Variants in COCH observed in about 807,000 individuals in gnomAD.
The protein encoded by COCH is cochlin, also known as coagulation factor C homolog, cochlin (Limulus polyphemus).
Under a neutral mutation model 54.8 loss-of-function variants are expected in COCH, and 40 were observed. The observed-to-expected ratio is 0.73, with a 90% confidence interval of 0.57 to 0.95. The LOEUF is 0.95. Among genes scored for constraint, COCH ranks in the 40% least tolerant of loss-of-function variants. The pLI is 0.00. For synonymous variants in COCH, 256 were observed against 237.9 expected (o/e 1.08, Z -0.70); for missense variants, 605 against 675.0 (o/e 0.90, Z 1.15).
chr14:30,881,211 TCA>T (rs765415884), intron 8 of COCH, among the ~76,000 whole-genome samples: 2 of 81,630 alleles, frequency 2.5e-5, no homozygotes, highest in Non-Finnish European at 2.3e-5. Context: ...AGACTATGTC[TCA>T]AAAAAAAAAA....
At chr14:30,894,953 A>T, downstream of COCH, 1 of 1,094,326 alleles carries the variant, frequency 9.1e-7, no homozygotes, top group Non-Finnish European at 1.2e-6. Context: ...TTCAACCGAT[A>T]AACAGAAGAT....
chr14:30,890,561 AGAAAAAATATTGTAGTTT>A lies in COCH; in HGVS notation c.*774_*791del. On this transcript the variant is annotated 3_prime_UTR_variant, in exon 12 of 12. Coordinates refer to ENST00000396618, the MANE Select transcript of COCH (RefSeq NM_004086.3). ...AGACAAAGACATTTCAAATAACTGCAGAAAAAATATTGTAGTTTGAATATTTAAGCAATAAAACTGCTA... is the reference window on the plus strand; with the variant it reads ...AGACAAAGACATTTCAAATAACTGCAGAATATTTAAGCAATAAAACTGCTA... 5 of 965,090 alleles carry A rather than the reference AGAAAAAATATTGTAGTTT, an allele frequency of 5.2e-6. No homozygotes were observed. The highest frequency in any genetic ancestry group is 6.2e-6 in the Non-Finnish European group (5 of 811,122). The allele number at this position is 965,090 out of a possible 1,614,324, so 59.8% of individuals were successfully genotyped here.
chr14:30,874,601 C>T lies in COCH; in HGVS notation c.-24+10C>T. On this transcript the variant is annotated intron_variant, in intron 1 of 11. Transcript: ENST00000396618. ...GGTGGATCTCGAGCAGGTGCGGAGC[C>T]CCGGGCGGCGGGCGCGGGTGCGAGG... The T allele has an allele frequency of 2.0e-6, 1 of 490,190 alleles. No individual in the cohort carries two copies. Among genetic ancestry groups the T allele is most frequent in the Non-Finnish European group, 3.7e-6 (1 of 270,624 alleles). 30.4% of individuals were successfully genotyped at this position (490,190 alleles called of 1,614,324 possible). A position where few individuals can be genotyped will look rare whatever the true frequency, so the allele number is the denominator to read the frequency against.
rs116954633 is a variant in COCH, at chr14:30,883,657, T to C, written c.630-896T>C. ...TCTTGAATAAAATGGCTACTGATAA[T>C]GCTAAGATCTTAAATTTTGCACTAG... On this transcript the variant is annotated intron_variant, in intron 8 of 11. Transcript: ENST00000396618. Among the ~76,000 whole-genome samples, 451 of 152,310 alleles carry C rather than the reference T, an allele frequency of 3.0e-3. 5 individuals are homozygous for C. The highest frequency in any genetic ancestry group is 0.01 in the Middle Eastern group (3 of 294).
Position 30,877,769 on chromosome 14 carries a change from TG to T in COCH, c.239+42del, listed in dbSNP as rs1194333032. The T allele has an allele frequency of 6.2e-7, 1 of 1,613,218 alleles. No homozygotes were observed. The highest frequency in any genetic ancestry group is 1.7e-5 in the Admixed American group (1 of 60,002). On this transcript the variant is annotated intron_variant, in intron 4 of 11. Transcript: ENST00000396618. The surrounding 1 kb of genome is among the most constrained non-coding windows in gnomAD (Gnocchi z 8.6). ...CCAGGGTGGGAGAGAAATGCAGACG[TG>T]ATTATTTCCTTTCCTGCTTTACCCA...
At chr14:30,879,800 C>T (rs1240551093) in intron 6 of COCH, among the ~76,000 whole-genome samples, 1 of 152,130 alleles carries the variant, frequency 6.6e-6, no homozygotes, top group Non-Finnish European at 1.5e-5. Context: ...CATGCCACCA[C>T]ACCCAGCCAA....
chr14:30,884,223 C>T (rs2138868950), intron 8 of COCH, among the ~76,000 whole-genome samples: 1 of 152,336 alleles, frequency 6.6e-6, no homozygotes, highest in Middle Eastern at 3.4e-3. Context: ...GGCAAACTCC[C>T]TAAATGCTCT....
intron 3 of COCH, chr14:30,875,304 G>A: frequency 1.3e-6 from 1 of 742,934 alleles, no homozygotes. Context: ...CCATGGTAGG[G>A]GGCCCCTGGG....
In COCH at chr14:30,885,930, A is replaced by G. The variant is rs1317797287; in HGVS notation, c.1095A>G (p.Ser365=). ...QMMCSKTCYN[S]VNIAFLIDGS... ...TGTGCAGCAAGACCTGTTATAACTC[A>G]GTGAACATTGCCTTTCTAATTGATG... Residue 365 remains serine (S), a synonymous_variant, in exon 11 of 12, where the codon TCA becomes TCG. Coordinates refer to ENST00000396618, the MANE Select transcript of COCH (RefSeq NM_004086.3). The G allele has an allele frequency of 6.2e-7, 1 of 1,614,256 alleles. No individual in the cohort carries two copies. The highest frequency in any genetic ancestry group is 1.1e-5 in the South Asian group (1 of 91,086).
intron 4 of COCH, among the ~76,000 whole-genome samples, chr14:30,878,543 G>A (rs960214976): frequency 6.6e-6 from 1 of 152,142 alleles, no homozygotes; most frequent in Non-Finnish European, 1.5e-5. Flanking sequence ...TGTAATCCCA[G>A]CTACTTGGGA....
chr14:30,891,724 C>G (rs1895986713), downstream of COCH, among the ~76,000 whole-genome samples: 2 of 152,080 alleles, frequency 1.3e-5, no homozygotes, highest in Admixed American at 6.5e-5. Context: ...CACTCATTAG[C>G]CCTTTTAAGA....
Position 30,876,776 on chromosome 14 carries a change from G to A in COCH, c.83-796G>A, listed in dbSNP as rs540002598. ...TACCTCAAGCAACTGTGTACATAGCGTCATCAAAGTTGAGATTTAAAAATT... is the reference window on the plus strand; with the variant it reads ...TACCTCAAGCAACTGTGTACATAGCATCATCAAAGTTGAGATTTAAAAATT... On this transcript the variant is annotated intron_variant, in intron 3 of 11. Transcript: ENST00000396618. Among the ~76,000 whole-genome samples, 21 of 152,204 alleles carry A rather than the reference G, an allele frequency of 1.4e-4. No homozygotes were observed. In the East Asian group the frequency reaches 1.5e-3, roughly 11 times the overall value.
intron 8 of COCH, 196 bp from the exon 9 acceptor site, chr14:30,884,357 G>A (rs1594382071): frequency 3.5e-6 from 2 of 573,428 alleles, no homozygotes; most frequent in East Asian, 6.0e-5. Flanking sequence ...TCCTCAATAT[G>A]GCAATTATTT....
At position 30,885,402 on chromosome 14, in the gene COCH, T is replaced by C; in HGVS notation, c.742T>C (p.Leu248=). The C allele has an allele frequency of 6.2e-7, 1 of 1,613,386 alleles. No homozygotes were observed. Among genetic ancestry groups the C allele is most frequent in the Non-Finnish European group, 8.5e-7 (1 of 1,179,272 alleles). The part of the protein sequence containing the change: ...RGGNSNTGKA[L]KHTAQKFFTV... ...TTCTTTTTCAAATTTAGGAAAAGCC[T>C]TGAAGCATACTGCTCAGAAATTCTT... The change falls in exon 10 of 12, where the codon TTG becomes CTG. Residue 248 remains leucine (L), a synonymous_variant. Coordinates refer to ENST00000396618, the MANE Select transcript of COCH (RefSeq NM_004086.3).
chr14:30,875,186 T>C (rs1034885289), intron 3 of COCH, 83 bp downstream of exon 3: 1 of 1,526,378 alleles, frequency 6.6e-7, no homozygotes. Flanking sequence ...ATCCAGCCCC[T>C]TGGGCTTCAG....
intron 8 of COCH, among the ~76,000 whole-genome samples, chr14:30,883,293 C>CT (rs1895677139): frequency 6.6e-6 from 1 of 152,138 alleles, no homozygotes; most frequent in Non-Finnish European, 1.5e-5. Context: ...CCCTGCAGTA[C>CT]TTTTTGTCTT....
At position 30,885,168 on chromosome 14, in the gene COCH, A is replaced by G. The variant is rs12881068; in HGVS notation, c.734-226A>G. The G allele has an allele frequency of 4.9e-6, 6 of 1,227,892 alleles. No homozygotes were observed. The East Asian group carries it at 1.2e-4, about 24-fold the overall frequency. The allele number at this position is 1,227,892 out of a possible 1,614,324, so 76.1% of individuals were successfully genotyped here. On this transcript the variant is annotated intron_variant, in intron 9 of 11. Transcript: ENST00000396618. ...GAGGCTTCTAGGAGGTGGAGGGGGA[A>G]CTAATATGGCTTGTGAAGATAAATA...
downstream of COCH, among the ~76,000 whole-genome samples, chr14:30,891,484 A>C (rs534076567): frequency 6.6e-6 from 1 of 152,252 alleles, no homozygotes; most frequent in African/African-American, 2.4e-5. Flanking sequence ...ACTGGAATTG[A>C]CTTTTTCACT....
At chr14:30,878,698 G>A (rs1357176870) in intron 4 of COCH, 113 bp from the exon 5 acceptor site, 1 of 1,449,640 alleles carries the variant, frequency 6.9e-7, no homozygotes, top group East Asian at 2.3e-5. Flanking sequence ...TGACTTCCCT[G>A]ATGAGCTATT....
Sources: allele counts gnomAD v4.1 joint callset (sites outside exome capture counted in the v4.1 genomes callset), GRCh38; gene constraint gnomAD v4.1.1; non-coding constraint Gnocchi (gnomAD v3.1); transcripts MANE v1.5; gene names NCBI Gene and HGNC (gene_info 2026-07-23, HGNC 2026-07-21).